ZRANB3: variants seen among roughly 807,000 people sequenced by gnomAD.
ZRANB3 encodes zinc finger RANBP2-type containing 3.
ZRANB3 carries 125 observed loss-of-function variants against 133.8 expected under a neutral mutation model. That is an observed-to-expected ratio of 0.93 (90% CI 0.81 to 1.08). ZRANB3 has a LOEUF of 1.08. Ranked by LOEUF, ZRANB3 falls within the 50% of genes least tolerant of loss-of-function variation. The pLI is 0.00. For missense variants in ZRANB3, 1,229 were observed against 1,275.5 expected (o/e 0.96, Z 0.56); for synonymous variants, 387 against 432.7 (o/e 0.89, Z 1.31).
At chr2:135,292,313 T>C (rs1191567324) in intron 8 of ZRANB3, among the ~76,000 whole-genome samples, 60 of 152,276 alleles carry the variant, frequency 3.9e-4, no homozygotes, top group African/African-American at 1.4e-3. Context: ...TGGTATCTCA[T>C]TGTGGTTTTG....
chr2:135,264,800 G>T (rs1244870153), intron 12 of ZRANB3, among the ~76,000 whole-genome samples: 2 of 150,606 alleles, frequency 1.3e-5, no homozygotes, highest in Non-Finnish European at 2.9e-5. Context: ...AGCCTGGAGT[G>T]CAGCAATGCA....
At chr2:135,511,263 G>A in intron 1 of ZRANB3, 1 of 1,023,430 alleles carries the variant, frequency 9.8e-7, no homozygotes, top group Admixed American at 1.7e-5. Flanking sequence ...ACTCTTCTGA[G>A]CATCCTCAGG....
intron 12 of ZRANB3, among the ~76,000 whole-genome samples, chr2:135,238,575 G>C (rs1050488180): frequency 6.6e-6 from 1 of 152,048 alleles, no homozygotes; most frequent in Non-Finnish European, 1.5e-5. Flanking sequence ...GGTTGCCCAG[G>C]TGGGTCTTGA....
chr2:135,298,301 C>T (rs892009909), intron 8 of ZRANB3, among the ~76,000 whole-genome samples: 3 of 152,110 alleles, frequency 2.0e-5, no homozygotes, highest in Admixed American at 6.5e-5. Context: ...AATAATTGAC[C>T]TCTGAATTCT....
chr2:135,340,408 CTT>C (rs1684596925), intron 6 of ZRANB3, among the ~76,000 whole-genome samples: 1 of 151,940 alleles, frequency 6.6e-6, no homozygotes, highest in Non-Finnish European at 1.5e-5. Context: ...GCCCAACCCC[CTT>C]TTTTTAATAC....
chr2:135,265,755 G>T, intron 11 of ZRANB3, 69 bp from the exon 12 acceptor site: 2 of 1,480,028 alleles, frequency 1.4e-6, no homozygotes, highest in South Asian at 2.8e-5. Context: ...TAAGTAACTT[G>T]ATTTTGCATT....
chr2:135,411,170 T>C (rs1688285627), intron 2 of ZRANB3, among the ~76,000 whole-genome samples: 1 of 151,826 alleles, frequency 6.6e-6, no homozygotes. Flanking sequence ...GCCCCAGAGG[T>C]TGAGACTGTG....
At chr2:135,248,288 G>A (rs535490235) in intron 12 of ZRANB3, among the ~76,000 whole-genome samples, 228 of 152,298 alleles carry the variant, frequency 1.5e-3, no homozygotes, top group African/African-American at 5.1e-3. Context: ...GTAGCTGCTC[G>A]GCAACTCCCT....
intron 9 of ZRANB3, among the ~76,000 whole-genome samples, chr2:135,273,316 A>T (rs1680629752): frequency 6.6e-6 from 1 of 152,234 alleles, no homozygotes; most frequent in South Asian, 2.1e-4. Context: ...TAGTTGGAAC[A>T]TATGAATATT....
At chr2:135,296,044 C>G (rs1682062534) in intron 8 of ZRANB3, among the ~76,000 whole-genome samples, 1 of 152,254 alleles carries the variant, frequency 6.6e-6, no homozygotes. Flanking sequence ...GTGAATCTGA[C>G]AATTGTGTAT....
chr2:135,234,676 C>T (rs1187206082), intron 12 of ZRANB3, among the ~76,000 whole-genome samples: 1 of 152,338 alleles, frequency 6.6e-6, no homozygotes, highest in Non-Finnish European at 1.5e-5. Context: ...GAACAACCTG[C>T]TCCTAATGAC....
At chr2:135,436,074 T>G (rs1006045984) in intron 2 of ZRANB3, among the ~76,000 whole-genome samples, 1 of 152,180 alleles carries the variant, frequency 6.6e-6, no homozygotes, top group Non-Finnish European at 1.5e-5. Flanking sequence ...GTGTCTAGGA[T>G]TGTACTGCCT....
At chr2:135,248,672 G>A (rs1036713039) in intron 12 of ZRANB3, among the ~76,000 whole-genome samples, 5 of 152,174 alleles carry the variant, frequency 3.3e-5, no homozygotes, top group Non-Finnish European at 5.9e-5. Flanking sequence ...ATGGGAAGCC[G>A]AGATGGGTGG....
intron 6 of ZRANB3, among the ~76,000 whole-genome samples, chr2:135,336,028 C>T (rs760644882): frequency 3.3e-5 from 5 of 152,160 alleles, no homozygotes; most frequent in Admixed American, 6.5e-5. Flanking sequence ...ATTCAATGTG[C>T]TAATGGTTGA....
At chr2:135,498,370 C>T (rs1559039113) in intron 2 of ZRANB3, among the ~76,000 whole-genome samples, 1 of 152,164 alleles carries the variant, frequency 6.6e-6, no homozygotes, top group Non-Finnish European at 1.5e-5. Flanking sequence ...GTCTTTACTG[C>T]AATCTCTGAA....
chr2:135,488,312 G>T (rs1227909335), intron 2 of ZRANB3, among the ~76,000 whole-genome samples: 2 of 151,952 alleles, frequency 1.3e-5, no homozygotes, highest in Admixed American at 6.6e-5. Flanking sequence ...GAAATATTGA[G>T]AATTACTAAA....
chr2:135,263,307 C>A (rs1405654538), intron 12 of ZRANB3, among the ~76,000 whole-genome samples: 1 of 152,174 alleles, frequency 6.6e-6, no homozygotes, highest in African/African-American at 2.4e-5. Flanking sequence ...TTCTAAATAG[C>A]ATTTTATAAG....
intron 8 of ZRANB3, among the ~76,000 whole-genome samples, chr2:135,285,466 T>G (rs1681310357): frequency 6.6e-6 from 1 of 152,250 alleles, no homozygotes; most frequent in African/African-American, 2.4e-5. Flanking sequence ...TTCAGTCTCA[T>G]ATCTTCCCAG....
At chr2:135,337,158 A>C (rs773288261) in intron 6 of ZRANB3, among the ~76,000 whole-genome samples, 5 of 152,110 alleles carry the variant, frequency 3.3e-5, no homozygotes, top group Non-Finnish European at 7.4e-5. Flanking sequence ...CCTAATCTAA[A>C]CCCGATACCC....
Sources: allele counts gnomAD v4.1 joint callset (sites outside exome capture counted in the v4.1 genomes callset), GRCh38; gene constraint gnomAD v4.1.1; transcripts MANE v1.5; gene names NCBI Gene and HGNC (gene_info 2026-07-23, HGNC 2026-07-21).